The following RUFY4 variants were observed in gnomAD, a reference collection of about 807,000 sequenced individuals.
The protein encoded by RUFY4 is RUN and FYVE domain-containing protein 4.
RUFY4 carries 73 observed loss-of-function variants against 69.0 expected under a neutral mutation model. The observed-to-expected ratio is 1.06, with a 90% CI of 0.88 to 1.29. RUFY4 has a LOEUF of 1.29. Among genes scored for constraint, RUFY4 ranks in the 50% most tolerant of loss-of-function variants. RUFY4 has a pLI of 0.00. For missense variants in RUFY4, 770 were observed against 705.6 expected, an observed-to-expected ratio of 1.09 and a Z score of -1.03; for synonymous variants, 287 against 271.8, an observed-to-expected ratio of 1.06 and a Z score of -0.55.
chr2:218,039,788 G>A (rs1959035667), intron 2 of RUFY4, among the ~76,000 whole-genome samples: 1 of 152,226 alleles, frequency 6.6e-6, no homozygotes, highest in South Asian at 2.1e-4. Flanking sequence ...CCCAGCCTCA[G>A]AGCCATTTAA....
intron 2 of RUFY4, among the ~76,000 whole-genome samples, chr2:218,053,971 T>A (rs1574497299): frequency 1.3e-5 from 2 of 152,338 alleles, no homozygotes; most frequent in South Asian, 4.1e-4. Flanking sequence ...TATATTCATG[T>A]GGATGTTACT....
intron 8 of RUFY4, among the ~76,000 whole-genome samples, chr2:218,078,629 A>G (rs1559435960): frequency 6.6e-6 from 1 of 152,164 alleles, no homozygotes; most frequent in Admixed American, 6.5e-5. Context: ...TGTCAAAAAG[A>G]TGTTTACATG....
At chr2:218,047,675 A>G (rs1688862434) in intron 2 of RUFY4, among the ~76,000 whole-genome samples, 7 of 152,130 alleles carry the variant, frequency 4.6e-5, no homozygotes, top group Admixed American at 3.3e-4. Flanking sequence ...GAAAATTAGG[A>G]TGTACGTGGT....
intron 2 of RUFY4, among the ~76,000 whole-genome samples, chr2:218,050,475 G>A (rs1207625151): frequency 6.6e-6 from 1 of 152,106 alleles, no homozygotes; most frequent in Admixed American, 6.5e-5. Context: ...CTCCTGGCTA[G>A]CTCACCAAAC....
rs1239647628 is a variant in RUFY4 at position 218,075,815 on chromosome 2, T to C, written c.1248+75T>C. On this transcript the variant is annotated intron_variant, in intron 7 of 10. Transcript: ENST00000344321. Reference sequence around the variant, plus strand: ...GCCCACAGATGAGGGTCTGCAATGGTAGCCTGGGACCATTCCCTCCCACGG... The same window carrying C: ...GCCCACAGATGAGGGTCTGCAATGGCAGCCTGGGACCATTCCCTCCCACGG... The C allele has an allele frequency of 2.3e-6, 3 of 1,328,972 alleles. No homozygotes were observed. The Admixed American group carries it at 8.3e-5, about 37-fold the overall frequency. 82.3% of individuals were successfully genotyped at this position (1,328,972 alleles called of 1,614,324 possible).
intron 2 of RUFY4, among the ~76,000 whole-genome samples, chr2:218,056,755 G>A (rs1336830700): frequency 6.6e-6 from 1 of 152,194 alleles, no homozygotes; most frequent in Non-Finnish European, 1.5e-5. Flanking sequence ...GTAACCTTAA[G>A]ACCAGTTTTA....
At chr2:218,045,075 G>A (rs1263501234) in intron 2 of RUFY4, among the ~76,000 whole-genome samples, 2 of 152,146 alleles carry the variant, frequency 1.3e-5, no homozygotes, top group Non-Finnish European at 2.9e-5. Flanking sequence ...GTGTATAAGT[G>A]TTCCTTTTTC....
exon 7 of RUFY4, chr2:218,075,369 C>T (rs772046657): frequency 1.9e-6 from 3 of 1,613,062 alleles, no homozygotes; most frequent in Middle Eastern, 1.7e-4. Context: ...GAACTCAACA[C>T]CCAGCACCCA....
chr2:218,065,280 G>T (rs1397739440), upstream of RUFY4, among the ~76,000 whole-genome samples: 8 of 152,144 alleles, frequency 5.3e-5, no homozygotes, highest in Non-Finnish European at 1.2e-4. Flanking sequence ...GGGAGAGGGA[G>T]GGGCAGAGGG....
chr2:218,068,433 G>A (rs868516761), upstream of RUFY4, among the ~76,000 whole-genome samples: 4 of 152,124 alleles, frequency 2.6e-5, no homozygotes, highest in Non-Finnish European at 4.4e-5. Context: ...GACATGACAC[G>A]GGAGACAGAG....
intron 10 of RUFY4, 88 bp downstream of exon 12, chr2:218,089,450 C>A: frequency 9.0e-7 from 1 of 1,110,162 alleles, no homozygotes; most frequent in Non-Finnish European, 1.3e-6. Flanking sequence ...AAGGGAGGGA[C>A]ACAGGAACTG....
chr2:218,043,412 C>T (rs2106027250), intron 2 of RUFY4, among the ~76,000 whole-genome samples: 1 of 152,232 alleles, frequency 6.6e-6, no homozygotes, highest in East Asian at 1.9e-4. Flanking sequence ...CTGTTCATCC[C>T]AACATCTGTT....
chr2:218,089,766 C>T (rs1286293366), intron 10 of RUFY4, 186 bp from the exon 13 acceptor site: 4 of 706,566 alleles, frequency 5.7e-6, no homozygotes, highest in East Asian at 5.4e-5. Flanking sequence ...CTGGAGGGGT[C>T]GGGCATCAGG....
exon 3 of RUFY4, chr2:218,058,651 C>G (rs1689116876): frequency 6.6e-6 from 1 of 152,178 alleles, no homozygotes; most frequent in Admixed American, 6.5e-5. Flanking sequence ...GGAATTGGAG[C>G]AGCAGTTTCA....
At chr2:218,089,178 T>C in intron 9 of RUFY4, 74 bp from the exon 12 acceptor site, 1 of 1,173,020 alleles carries the variant, frequency 8.5e-7, no homozygotes, top group Non-Finnish European at 1.2e-6. Flanking sequence ...TGTCTCTCTG[T>C]CTGGGTCTTT....
intron 10 of RUFY4, chr2:218,089,699 C>A: frequency 1.4e-6 from 1 of 703,410 alleles, no homozygotes; most frequent in Non-Finnish European, 2.6e-6. Flanking sequence ...CTAGGACCAG[C>A]CTTGGGAGAG....
intron 2 of RUFY4, among the ~76,000 whole-genome samples, chr2:218,036,298 T>C (rs181272344): frequency 1.3e-5 from 2 of 152,250 alleles, no homozygotes; most frequent in African/African-American, 4.8e-5. Context: ...TCTTTCCCTC[T>C]CTGGACTTTA....
In RUFY4 at chr2:218,073,823, TGC is replaced by T. The variant is rs1436043153; in HGVS notation, c.539_540del (p.Cys180PhefsTer29). 6.2e-7 allele frequency: 1 copy of T among 1,613,948 alleles called. No individual in the cohort carries two copies. The highest frequency in any genetic ancestry group is 1.7e-5 in the Admixed American group (1 of 60,026). On this transcript the variant is annotated frameshift_variant, in exon 6 of 11. Coordinates refer to ENST00000344321, the Ensembl canonical transcript of RUFY4. LOFTEE classifies it high-confidence loss of function. ...TGCCTCTTTCACTTTCAGGTCACGC[TGC>T]TCCAGTTCCACCCAAACCCAGGGAA...
intron 3 of RUFY4, among the ~76,000 whole-genome samples, chr2:218,062,372 C>G (rs1437915317): frequency 6.7e-5 from 10 of 148,826 alleles, no homozygotes; most frequent in Non-Finnish European, 1.5e-4. Context: ...CACCACTGCA[C>G]TCCAGCTTGG....
Sources: gnomAD v4.1 joint callset for allele counts (sites outside exome capture counted in the v4.1 genomes callset) on GRCh38, gnomAD v4.1.1 for gene constraint, MANE v1.5 for transcripts, NCBI Gene and HGNC (gene_info 2026-07-23, HGNC 2026-07-21) for gene names.